PTPRT: variants seen among roughly 807,000 people sequenced by gnomAD.
The protein encoded by PTPRT is receptor-type tyrosine-protein phosphatase T.
Under a neutral mutation model 176.8 loss-of-function variants are expected in PTPRT, and 56 were observed. The observed-to-expected ratio is 0.32, with a 90% CI of 0.26 to 0.40. The LOEUF is 0.40. Among genes scored for constraint, PTPRT ranks in the 10% least tolerant of loss-of-function variants. The pLI is 1.00. For missense variants in PTPRT, 1,540 were observed against 1,908.2 expected (o/e 0.81, Z 3.60); for synonymous variants, 783 against 739.0 (o/e 1.06, Z -0.96).
intron 1 of PTPRT, among the ~76,000 whole-genome samples, chr20:42,902,207 A>AT (rs2079414464): frequency 6.6e-6 from 1 of 152,042 alleles, no homozygotes; most frequent in African/African-American, 2.4e-5. Context: ...TTAACATACA[A>AT]TTTTTTTCAG....
chr20:42,036,054 G>A, the PTPRT span, among the ~76,000 whole-genome samples: 1 of 152,166 alleles, frequency 6.6e-6, no homozygotes, highest in East Asian at 1.9e-4. Flanking sequence ...GGCAATTGGA[G>A]CTCAGTCCGA....
chr20:42,871,271 C>T (rs1374267570), intron 2 of PTPRT, among the ~76,000 whole-genome samples: 1 of 150,724 alleles, frequency 6.6e-6, no homozygotes, highest in Non-Finnish European at 1.5e-5. Flanking sequence ...TGTTTCTCAC[C>T]ATTTGTTTAT....
chr20:42,633,784 A>AATATATATAT (rs752371452), intron 7 of PTPRT, among the ~76,000 whole-genome samples: 81 of 53,366 alleles, frequency 1.5e-3, no homozygotes, highest in Admixed American at 2.9e-3. Flanking sequence ...AGACTCTGAA[A>AATATATATAT]ATATATATAT....
intron 15 of PTPRT, among the ~76,000 whole-genome samples, chr20:42,228,876 G>A (rs1208433851): frequency 6.6e-6 from 1 of 152,192 alleles, no homozygotes; most frequent in Non-Finnish European, 1.5e-5. Flanking sequence ...CCAAGGGCAG[G>A]ATAACCTGGG....
chr20:42,850,058 G>A (rs920588542), intron 2 of PTPRT, among the ~76,000 whole-genome samples: 5 of 152,170 alleles, frequency 3.3e-5, no homozygotes, highest in African/African-American at 1.2e-4. Flanking sequence ...TGGGCTGCAT[G>A]TTATGAAAGG....
chr20:42,263,859 G>C (rs953580411), intron 13 of PTPRT, among the ~76,000 whole-genome samples: 2 of 151,954 alleles, frequency 1.3e-5, no homozygotes, highest in African/African-American at 4.8e-5. Context: ...GATCACTCTG[G>C]CTTCAGTGGG....
At chr20:42,769,015 T>A (rs1028955403) in intron 5 of PTPRT, among the ~76,000 whole-genome samples, 18 of 152,192 alleles carry the variant, frequency 1.2e-4, no homozygotes, top group Admixed American at 3.3e-4. Flanking sequence ...GCTGAGGCAA[T>A]GCCATTGAAA....
At chr20:42,884,128 C>A (rs1470386778) in intron 2 of PTPRT, among the ~76,000 whole-genome samples, 1 of 152,026 alleles carries the variant, frequency 6.6e-6, no homozygotes, top group African/African-American at 2.4e-5. Flanking sequence ...ATCATGTAAA[C>A]CAGGCAGTAC....
intron 6 of PTPRT, chr20:42,687,124 C>A (rs1338948965): frequency 6.6e-6 from 1 of 152,060 alleles, no homozygotes; most frequent in Non-Finnish European, 1.5e-5. Context: ...ATCCTCCCAA[C>A]CAGCCACCGA....
At chr20:43,033,826 A>C (rs751278103) in intron 1 of PTPRT, among the ~76,000 whole-genome samples, 18 of 152,158 alleles carry the variant, frequency 1.2e-4, no homozygotes, top group Non-Finnish European at 2.1e-4. Context: ...AGTGACCTTA[A>C]GTAACTCTCA....
intron 6 of PTPRT, among the ~76,000 whole-genome samples, chr20:42,733,147 T>C (rs1174447470): frequency 6.6e-6 from 1 of 152,178 alleles, no homozygotes; most frequent in Non-Finnish European, 1.5e-5. Flanking sequence ...TCTCTAGACA[T>C]GGGGTTTAAC....
chr20:42,460,491 T>C (rs1012325042), intron 8 of PTPRT, among the ~76,000 whole-genome samples: 4 of 152,018 alleles, frequency 2.6e-5, no homozygotes, highest in Admixed American at 2.6e-4. Context: ...TGGGAAAGAG[T>C]CCCAAGAACT....
chr20:42,630,225 G>A (rs1373720691), intron 7 of PTPRT, among the ~76,000 whole-genome samples: 1 of 152,094 alleles, frequency 6.6e-6, no homozygotes, highest in African/African-American at 2.4e-5. Flanking sequence ...GCTTCTAGGA[G>A]CTAGAAAAAG....
chr20:42,296,581 T>C (rs2057390766), intron 12 of PTPRT, among the ~76,000 whole-genome samples: 1 of 152,046 alleles, frequency 6.6e-6, no homozygotes, highest in African/African-American at 2.4e-5. Context: ...TATTATAAAA[T>C]TAATATAGTA....
At chr20:42,690,174 G>T (rs1054455069) in intron 6 of PTPRT, among the ~76,000 whole-genome samples, 25 of 152,058 alleles carry the variant, frequency 1.6e-4, no homozygotes, top group Admixed American at 1.6e-3. Flanking sequence ...GGGAGCAGGG[G>T]TGGGGGGCCA....
chr20:42,239,072 A>G (rs2056300983), intron 14 of PTPRT, among the ~76,000 whole-genome samples: 1 of 152,218 alleles, frequency 6.6e-6, no homozygotes, highest in Non-Finnish European at 1.5e-5. Flanking sequence ...TCTGGAATGT[A>G]TTAGGGCTCA....
intron 7 of PTPRT, among the ~76,000 whole-genome samples, chr20:42,645,581 T>C (rs145485690): frequency 5.6e-4 from 85 of 151,940 alleles, no homozygotes; most frequent in Non-Finnish European, 1.1e-3. Flanking sequence ...GAGAGATGGG[T>C]TTCCTATGAA....
At chr20:42,432,136 G>A (rs1386645093) in intron 9 of PTPRT, among the ~76,000 whole-genome samples, 1 of 152,160 alleles carries the variant, frequency 6.6e-6, no homozygotes. Flanking sequence ...AGACGCCCAA[G>A]CCATCCTCAG....
At chr20:43,038,460 G>A (rs1167663301) in intron 1 of PTPRT, among the ~76,000 whole-genome samples, 1 of 152,166 alleles carries the variant, frequency 6.6e-6, no homozygotes, top group Non-Finnish European at 1.5e-5. Context: ...CCTAGAAATA[G>A]CATGCGAGTT....
Sources: allele counts gnomAD v4.1 joint callset (sites outside exome capture counted in the v4.1 genomes callset), GRCh38; gene constraint gnomAD v4.1.1; transcripts MANE v1.5; gene names NCBI Gene and HGNC (gene_info 2026-07-23, HGNC 2026-07-21).